The following AHRR variants were observed in gnomAD, a reference collection of about 807,000 sequenced individuals.
The protein encoded by AHRR is ahR repressor.
In AHRR, 28 loss-of-function variants were observed where a neutral mutation model predicts 44.0. The ratio of observed to expected loss-of-function variants is 0.64; its 90% CI spans 0.47 to 0.87. The LOEUF (loss-of-function observed/expected upper bound fraction) is 0.87, where lower values mean the gene tolerates loss of function less well. Ranked by LOEUF, AHRR falls within the 40% of genes least tolerant of loss-of-function variation. The pLI is 0.00. For missense variants in AHRR, 990 were observed against 953.9 expected (o/e 1.04, Z -0.50); for synonymous variants, 434 against 407.0 (o/e 1.07, Z -0.80).
intron 4 of AHRR, among the ~76,000 whole-genome samples, chr5:399,392 T>G (rs901270929): frequency 2.0e-5 from 3 of 152,230 alleles, no homozygotes; most frequent in African/African-American, 4.8e-5. Context: ...TCAGGGTGTT[T>G]GCACTCAGAA....
chr5:432,446 ATC>A lies in AHRR; in HGVS notation c.909-15_909-14del. 2 of 1,612,812 alleles carry A rather than the reference ATC, an allele frequency of 1.2e-6. No homozygotes were observed. Among genetic ancestry groups the A allele is most frequent in the Non-Finnish European group, 1.7e-6 (2 of 1,178,796 alleles). On this transcript the variant is annotated splice_polypyrimidine_tract_variant and intron_variant, in intron 8 of 10. Coordinates refer to ENST00000684583, the MANE Select transcript of AHRR (RefSeq NM_001377236.1). Reference sequence around the variant, plus strand: ...TTCATCCGTCACATGTCACATGTTCATCTGTGTTCTTCACAGAGTAAAAGCCA... The same window carrying A: ...TTCATCCGTCACATGTCACATGTTCATGTGTTCTTCACAGAGTAAAAGCCA...
intron 3 of AHRR, among the ~76,000 whole-genome samples, chr5:361,422 G>A (rs1560891472): frequency 6.6e-6 from 1 of 152,244 alleles, no homozygotes; most frequent in Non-Finnish European, 1.5e-5. Context: ...GGGAGGTAGT[G>A]CTTGCCAGTG....
In AHRR at chr5:326,197, CTAG is replaced by C. The variant is rs201140492; in HGVS notation, c.-11+4379_-11+4381del. Among the ~76,000 whole-genome samples, 48 of 152,396 alleles carry C rather than the reference CTAG, an allele frequency of 3.1e-4. 1 individual carries two copies. The East Asian group carries it at 8.5e-3, about 27-fold the overall frequency. On this transcript the variant is annotated intron_variant, in intron 1 of 10. Coordinates refer to ENST00000684583, the MANE Select transcript of AHRR (RefSeq NM_001377236.1). The surrounding 1 kb of genome is among the most constrained non-coding windows in gnomAD (Gnocchi z 4.1). Reference sequence around the variant, plus strand: ...GAAGTTGTGCAGCCACTGCCTCTCTCTAGCTCCAAAACCTCTTCATCGCCTCCG... The same window carrying C: ...GAAGTTGTGCAGCCACTGCCTCTCTCCTCCAAAACCTCTTCATCGCCTCCG...
At chr5:378,097 G>A (rs1363303220) in intron 4 of AHRR, among the ~76,000 whole-genome samples, 3 of 152,252 alleles carry the variant, frequency 2.0e-5, no homozygotes, top group African/African-American at 7.2e-5. Context: ...AGGTTGTATG[G>A]TGAGGGTTCC....
Position 427,847 on chromosome 5 carries a change from A to G in AHRR, c.749A>G (p.Gln250Arg). 6.2e-7 allele frequency: 1 copy of G among 1,614,170 alleles called. No homozygotes were observed. Among genetic ancestry groups the G allele is most frequent in the Non-Finnish European group, 8.5e-7 (1 of 1,180,034 alleles). Reference sequence around the variant, plus strand: ...GGAAAACTAAAATTCCTGTTTGGACAGAAGAAGAAGGCGCCGTCAGGAGCC... The same window carrying G: ...GGAAAACTAAAATTCCTGTTTGGACGGAAGAAGAAGGCGCCGTCAGGAGCC... ...FQGKLKFLFG[Q>R]KKKAPSGAML... is the part of the protein sequence containing the mutation. The change falls in exon 8 of 11, where the codon CAG (glutamine) becomes CGG (arginine). Residue 250 changes from glutamine to arginine, a missense_variant. Physicochemically the swap from Gln to Arg is conservative, Grantham distance 43 (BLOSUM62 1). Coordinates refer to ENST00000684583, the MANE Select transcript of AHRR (RefSeq NM_001377236.1).
At chr5:368,202 T>G (rs1315781146) in intron 3 of AHRR, among the ~76,000 whole-genome samples, 1 of 152,228 alleles carries the variant, frequency 6.6e-6, no homozygotes, top group Non-Finnish European at 1.5e-5. Context: ...GGCAGAGGAC[T>G]CAGTGAGGGC....
chr5:341,383 T>C (rs576335038), intron 1 of AHRR, among the ~76,000 whole-genome samples: 7 of 152,310 alleles, frequency 4.6e-5, no homozygotes, highest in Admixed American at 6.5e-5. Context: ...ATTCCTGATA[T>C]TGGCAATTTG....
At chr5:351,512 G>A (rs1044189965) in intron 2 of AHRR, among the ~76,000 whole-genome samples, 1 of 152,190 alleles carries the variant, frequency 6.6e-6, no homozygotes, top group Non-Finnish European at 1.5e-5. Context: ...AGAAGGCCAC[G>A]TCTTGATTCC....
chr5:355,286 C>A (rs1351899667), intron 3 of AHRR, among the ~76,000 whole-genome samples: 1 of 152,064 alleles, frequency 6.6e-6, no homozygotes, highest in Admixed American at 6.5e-5. Context: ...GAGTGGGCAC[C>A]ACCCTGCATG....
Position 386,553 on chromosome 5 carries a change from C to T in AHRR, c.351+9837C>T, listed in dbSNP as rs751628326. On this transcript the variant is annotated intron_variant, in intron 4 of 10. Transcript: ENST00000684583. ...CTTGGCCCTGAGCCAAGGTGTGGAG[C>T]GCAGGCAGCCTCTTGAAGCTGGGAA... Among the ~76,000 whole-genome samples, 10 of 152,216 alleles carry T rather than the reference C, an allele frequency of 6.6e-5. No individual in the cohort carries two copies. In the East Asian group the frequency reaches 7.7e-4, roughly 12 times the overall value.
intron 1 of AHRR, among the ~76,000 whole-genome samples, chr5:330,913 A>G (rs1313161470): frequency 3.1e-5 from 4 of 128,456 alleles, no homozygotes; most frequent in African/African-American, 1.3e-4. Flanking sequence ...TCGGTCTGTC[A>G]CCCAGGCTGG....
chr5:432,289 A>C, intron 8 of AHRR, 174 bp from the exon 9 acceptor site: 2 of 621,676 alleles, frequency 3.2e-6, no homozygotes, highest in Non-Finnish European at 5.5e-6. Flanking sequence ...AACTGAGAAA[A>C]TAACTTTCCA....
intron 7 of AHRR, among the ~76,000 whole-genome samples, chr5:424,379 T>G (rs1560921746): frequency 4.1e-5 from 4 of 97,124 alleles, no homozygotes; most frequent in Admixed American, 1.1e-4. Context: ...TGTTAACCCA[T>G]GTGTCCCTGG....
rs1229729636 is a variant in AHRR, at chr5:405,123, C to T, written c.352-8221C>T. Among the ~76,000 whole-genome samples the T allele has an allele frequency of 1.3e-5, 2 of 152,122 alleles. No individual in the cohort carries two copies. Among genetic ancestry groups the T allele is most frequent in the African/African-American group, 4.8e-5 (2 of 41,420 alleles). ...CAGCAGGTCTGACATTTCCCCATTTCTCTTGGGGAAATCTGGGCAAACCGA... is the reference window on the plus strand; with the variant it reads ...CAGCAGGTCTGACATTTCCCCATTTTTCTTGGGGAAATCTGGGCAAACCGA... On this transcript the variant is annotated intron_variant, in intron 4 of 10. Coordinates refer to ENST00000684583, the MANE Select transcript of AHRR (RefSeq NM_001377236.1). This position sits in a 1 kb window ranked among gnomAD's most constrained non-coding sequence, Gnocchi z 4.5.
intron 1 of AHRR, among the ~76,000 whole-genome samples, chr5:323,288 C>T (rs971238065): frequency 1.3e-5 from 2 of 152,224 alleles, no homozygotes; most frequent in African/African-American, 2.4e-5. Context: ...CCAAAGGAGG[C>T]TCCATCTGTT....
chr5:427,886 G>T lies in AHRR; in HGVS notation c.788G>T (p.Arg263Leu). 6.2e-7 allele frequency: 1 copy of T among 1,614,138 alleles called. No individual in the cohort carries two copies. Among genetic ancestry groups the T allele is most frequent in the Non-Finnish European group, 8.5e-7 (1 of 1,180,040 alleles). Residue 263 changes from arginine to leucine, a missense_variant, in exon 8 of 11, where the codon CGG becomes CTG. By Grantham distance (102) the Arg-to-Leu change is moderately radical. Transcript: ENST00000684583. Reference sequence around the variant, plus strand: ...CCGTCAGGAGCCATGCTCCCGCCGCGGCTGTCGCTGTTCTGCATTGCGGCA... The same window carrying T: ...CCGTCAGGAGCCATGCTCCCGCCGCTGCTGTCGCTGTTCTGCATTGCGGCA... ...KAPSGAMLPPRLSLFCIAAPV... is the reference protein window; with the variant it reads ...KAPSGAMLPPLLSLFCIAAPV...
In AHRR at chr5:379,917, A is replaced by C. The variant is rs531613603; in HGVS notation, c.351+3201A>C. On this transcript the variant is annotated intron_variant, in intron 4 of 10. Coordinates refer to ENST00000684583, the MANE Select transcript of AHRR (RefSeq NM_001377236.1). ...ATCTCATTACCTAACCTAAGGTTAC[A>C]AAGATTTTTCTTTTATGCTTTCTTC... 2.6e-5 allele frequency among the ~76,000 whole-genome samples: 4 copies of C among 152,330 alleles called. No homozygotes were observed. The South Asian group carries it at 8.3e-4, about 32-fold the overall frequency.
rs1165044494 is a variant in AHRR, at chr5:350,099, T to C, written c.63-3631T>C. 3.3e-5 allele frequency among the ~76,000 whole-genome samples: 5 copies of C among 152,222 alleles called. No individual in the cohort carries two copies. In the South Asian group the frequency reaches 1.0e-3, roughly 32 times the overall value. On this transcript the variant is annotated intron_variant, in intron 2 of 10. Transcript: ENST00000684583. ...CTTCTCTTTAATTGGCTATTCTAGG[T>C]CCTTTGCATTTCCATGTAAATTTTA...
At chr5:353,580 G>T in intron 2 of AHRR, 150 bp from the exon 3 acceptor site, 1 of 673,410 alleles carries the variant, frequency 1.5e-6, no homozygotes, top group Non-Finnish European at 2.5e-6. Flanking sequence ...ATGTCTTGAG[G>T]CATGGGTGAG....
Sources: gnomAD v4.1 joint callset for allele counts (sites outside exome capture counted in the v4.1 genomes callset) on GRCh38, gnomAD v4.1.1 for gene constraint, Gnocchi (gnomAD v3.1) non-coding constraint, MANE v1.5 for transcripts, NCBI Gene and HGNC (gene_info 2026-07-23, HGNC 2026-07-21) for gene names.